Variants in ZNF711 observed in about 807,000 individuals in gnomAD.
The protein encoded by ZNF711 is zinc finger protein 711.
A neutral mutation model predicts 43.5 loss-of-function variants in ZNF711; 3 were observed. The observed-to-expected ratio is 0.07, with a 90% CI of 0.03 to 0.18. The LOEUF is 0.18. ZNF711 is among the 10% of genes least tolerant of loss of function. ZNF711 has a pLI of 1.00. For missense variants in ZNF711, 412 were observed against 604.0 expected, an observed-to-expected ratio of 0.68 and a Z score of 3.33; for synonymous variants, 209 against 207.7, an observed-to-expected ratio of 1.01 and a Z score of -0.06.
intron 5 of ZNF711, among the ~76,000 whole-genome samples, chrX:85,262,196 G>A (rs1930711766): frequency 9.0e-6 from 1 of 110,680 alleles, no homozygotes; most frequent in Non-Finnish European, 1.9e-5. Context: ...AGAGAGAATA[G>A]TATTAGTAAT....
At position 85,255,663 on chromosome X, in the gene ZNF711, G is replaced by C; in HGVS notation, c.484G>C (p.Val162Leu). 1 of 1,211,478 alleles carries C rather than the reference G, an allele frequency of 8.3e-7. No individual in the cohort carries two copies. The highest frequency in any genetic ancestry group is 1.1e-6 in the Non-Finnish European group (1 of 895,480). ...CTCTCCCACAATGGTATCAGAGGAG[G>C]TTCTTGTAACTAATTCAGATACAGA... Reference protein sequence around the residue: ...VDSPTMVSEEVLVTNSDTETV... With the variant: ...VDSPTMVSEELLVTNSDTETV... The change falls in exon 5 of 11, where the codon GTT becomes CTT. Residue 162 changes from valine to leucine, a missense_variant. Around this residue, in one of 4 missense-constraint regions of ZNF711, gnomAD observed 375 missense variants for 514.2 expected, o/e 0.73. Coordinates refer to ENST00000674551, the MANE Select transcript of ZNF711 (RefSeq NM_001330574.2).
rs1332215039 is a variant in ZNF711 at position 85,270,960 on chromosome X, C to T, written c.1556C>T (p.Pro519Leu). Residue 519 changes from proline (P) to leucine (L), a missense_variant, in exon 11 of 11, where the codon CCG becomes CTG. Pro to Leu is a moderately conservative substitution (Grantham distance 98). Transcript: ENST00000674551. ...AAACTTATTTTAAGAGACAAGGAGC[C>T]GAAGATGCACAAGTGCAAATACTGT... ...SNKLILRDKE[P>L]KMHKCKYCDY... 3.3e-6 allele frequency: 4 copies of T among 1,208,675 alleles called. No individual in the cohort carries two copies. The African/African-American group carries it at 5.3e-5, about 16-fold the overall frequency.
rs192825862 is a variant in ZNF711 at position 85,273,138 on chromosome X, C to T, written c.*1310C>T. 1 of 111,816 alleles carries T rather than the reference C, an allele frequency of 8.9e-6. No individual in the cohort carries two copies. The highest frequency in any genetic ancestry group is 3.2e-5 in the African/African-American group (1 of 30,791). The allele number at this position is 111,816 out of a possible 1,213,427, so 9.2% of individuals were successfully genotyped here. Reference sequence around the variant, plus strand: ...GGCTTTGTGTTTCAAATAATGTTCACCTTTCTGTTTTTGCACCAGATAAGA... The same window carrying T: ...GGCTTTGTGTTTCAAATAATGTTCATCTTTCTGTTTTTGCACCAGATAAGA... On this transcript the variant is annotated 3_prime_UTR_variant, in exon 11 of 11. Coordinates refer to ENST00000674551, the MANE Select transcript of ZNF711 (RefSeq NM_001330574.2).
At chrX:85,244,796 C>T (rs1928868181) in intron 1 of ZNF711, 1 of 110,813 alleles carries the variant, frequency 9.0e-6, no homozygotes, top group Non-Finnish European at 1.9e-5. Flanking sequence ...GGTTCCCAAC[C>T]GTCTCCCACG....
At chrX:85,246,814 T>C in intron 2 of ZNF711, 116 bp from the exon 3 acceptor site, 1 of 288,538 alleles carries the variant, frequency 3.5e-6, no homozygotes, top group Non-Finnish European at 6.1e-6. Context: ...GAAGCTAGCA[T>C]AATTTTATTA....
chrX:85,267,489 C>A, intron 8 of ZNF711, 74 bp downstream of exon 8: 1 of 827,466 alleles, frequency 1.2e-6, no homozygotes, highest in Non-Finnish European at 1.6e-6. Context: ...ATTAAATAAG[C>A]TTTGTGAATG....
intron 4 of ZNF711, among the ~76,000 whole-genome samples, chrX:85,250,074 C>G (rs1442284539): frequency 8.9e-6 from 1 of 112,341 alleles, no homozygotes; most frequent in African/African-American, 3.2e-5. Flanking sequence ...TATGAGTACA[C>G]CACATTTGGT....
In ZNF711 at chrX:85,247,594, C is replaced by A. The variant is rs1363391373; in HGVS notation, c.22C>A (p.Leu8Ile). Residue 8 changes from leucine to isoleucine, a missense_variant, in exon 4 of 11, where the codon CTT becomes ATT. This residue lies in a region of ZNF711 where 375 missense variants were observed against 514.2 expected (regional missense o/e 0.73). Coordinates refer to ENST00000674551, the MANE Select transcript of ZNF711 (RefSeq NM_001330574.2). MDSGGGS[L>I]GLHTPDSRMA... Reference sequence around the variant, plus strand: ...AAGTATGGATTCAGGCGGTGGAAGTCTTGGATTGCACACGCCAGACTCTAG... The same window carrying A: ...AAGTATGGATTCAGGCGGTGGAAGTATTGGATTGCACACGCCAGACTCTAG... 6.6e-6 allele frequency: 8 copies of A among 1,208,259 alleles called. No homozygotes were observed. The highest frequency in any genetic ancestry group is 8.9e-6 in the Non-Finnish European group (8 of 894,231).
chrX:85,244,730 G>A (rs1928858366), intron 1 of ZNF711: 1 of 109,294 alleles, frequency 9.1e-6, no homozygotes, highest in Non-Finnish European at 1.9e-5. Context: ...TGGGAGTTGG[G>A]GGGAGGGGGG....
At chrX:85,258,740 C>T (rs1930389382) in intron 5 of ZNF711, among the ~76,000 whole-genome samples, 1 of 109,405 alleles carries the variant, frequency 9.1e-6, no homozygotes, top group African/African-American at 3.3e-5. Context: ...TGCCTTTTCC[C>T]CGTTTTTATT....
At chrX:85,264,847 A>G (rs1930962932) in intron 6 of ZNF711, among the ~76,000 whole-genome samples, 1 of 110,495 alleles carries the variant, frequency 9.1e-6, no homozygotes, top group Non-Finnish European at 1.9e-5. Context: ...AAAGCTACCT[A>G]TAGGGCTGTT....
chrX:85,261,374 A>G (rs1930631190), intron 5 of ZNF711, among the ~76,000 whole-genome samples: 1 of 111,148 alleles, frequency 9.0e-6, no homozygotes, highest in Non-Finnish European at 1.9e-5. Flanking sequence ...GTGAGTGTAT[A>G]TTTTTAGTTT....
intron 5 of ZNF711, among the ~76,000 whole-genome samples, chrX:85,261,158 C>A (rs893653638): frequency 9.0e-6 from 1 of 110,873 alleles, no homozygotes; most frequent in African/African-American, 3.3e-5. Context: ...GAAGAAAATT[C>A]ATGGATAAGT....
chrX:85,268,498 G>A (rs73627347), intron 9 of ZNF711, among the ~76,000 whole-genome samples, 157 bp downstream of exon 9: 2,102 of 109,670 alleles, frequency 0.019, 46 homozygotes, highest in African/African-American at 0.066. Context: ...CTTCTTTGAG[G>A]AATTAATTTA....
rs1931588971 is a variant in ZNF711 at position 85,271,717 on chromosome X, A to G, written c.2313A>G (p.Ser771=). Reference sequence around the variant, plus strand: ...CTGGCTTTAAACGACATGTGATATCAATACATACAAAAGACTATCCACACA... The same window carrying G: ...CTGGCTTTAAACGACATGTGATATCGATACATACAAAAGACTATCCACACA... ...DASGFKRHVI[S]IHTKDYPHRC... Residue 771 remains serine (S), a synonymous_variant, in exon 11 of 11, where the codon TCA becomes TCG. Transcript: ENST00000674551. 3.3e-6 allele frequency: 4 copies of G among 1,210,965 alleles called. No homozygotes were observed. The highest frequency in any genetic ancestry group is 3.5e-5 in the African/African-American group (2 of 57,833).
At chrX:85,260,605 G>GC (rs56104601) in intron 5 of ZNF711, among the ~76,000 whole-genome samples, 104 of 92,299 alleles carry the variant, frequency 1.1e-3, no homozygotes, top group African/African-American at 3.2e-3. Flanking sequence ...TTAGCTGTTA[G>GC]CCCCCCCCCC....
intron 5 of ZNF711, among the ~76,000 whole-genome samples, chrX:85,258,946 A>G (rs749645548): frequency 9.0e-6 from 1 of 111,054 alleles, no homozygotes; most frequent in Non-Finnish European, 1.9e-5. Flanking sequence ...CTTTTGTTGC[A>G]ATTGGTTTTG....
chrX:85,246,270 C>A (rs1929043057), intron 2 of ZNF711, among the ~76,000 whole-genome samples: 1 of 111,845 alleles, frequency 8.9e-6, no homozygotes, highest in Admixed American at 9.4e-5. Flanking sequence ...TGCATAATAG[C>A]AAAGCAGAAA....
intron 4 of ZNF711, among the ~76,000 whole-genome samples, chrX:85,254,677 C>T (rs1359723935): frequency 2.2e-5 from 2 of 91,253 alleles, no homozygotes; most frequent in Non-Finnish European, 4.2e-5. Flanking sequence ...TGGCGGGCGC[C>T]TGTAGTCCCA....
Sources: allele counts gnomAD v4.1 joint callset (sites outside exome capture counted in the v4.1 genomes callset), GRCh38; gene constraint gnomAD v4.1.1; regional missense constraint gnomAD v4.1.1; transcripts MANE v1.5; gene names NCBI Gene and HGNC (gene_info 2026-07-23, HGNC 2026-07-21).